Variants in VEZT observed in about 807,000 individuals in gnomAD.
The protein encoded by VEZT is vezatin.
In VEZT, 39 loss-of-function variants were observed where a neutral mutation model predicts 79.9. That is an observed-to-expected ratio of 0.49 (90% CI 0.38 to 0.64). VEZT has a LOEUF of 0.64. Among genes scored for constraint, VEZT ranks in the 30% least tolerant of loss-of-function variants. The pLI is 0.00. For synonymous variants in VEZT, 325 were observed against 327.6 expected (o/e 0.99, Z 0.09); for missense variants, 837 against 893.1 (o/e 0.94, Z 0.80).
chr12:95,294,685 G>A (rs1173863674), intron 10 of VEZT, among the ~76,000 whole-genome samples: 1 of 152,140 alleles, frequency 6.6e-6, no homozygotes, highest in Non-Finnish European at 1.5e-5. Context: ...TAAAAATCCT[G>A]TGCACTTGAC....
At chr12:95,286,278 C>G in intron 8 of VEZT, 1 of 349,498 alleles carries the variant, frequency 2.9e-6, no homozygotes, top group South Asian at 2.3e-5. Context: ...AGGTGTGAGC[C>G]ACCGTGCCTG....
intron 9 of VEZT, among the ~76,000 whole-genome samples, chr12:95,291,102 CA>C (rs554813508): frequency 2.6e-5 from 4 of 151,012 alleles, no homozygotes; most frequent in African/African-American, 9.7e-5. Flanking sequence ...CCATCTCTAC[CA>C]AAAAAAACAA....
At chr12:95,231,021 G>A (rs535829828) in intron 1 of VEZT, among the ~76,000 whole-genome samples, 62 of 152,214 alleles carry the variant, frequency 4.1e-4, no homozygotes, top group South Asian at 2.1e-3. Flanking sequence ...GATTTTGGAC[G>A]TAGGTAGTAT....
intron 1 of VEZT, among the ~76,000 whole-genome samples, chr12:95,232,172 A>G (rs2059362831): frequency 6.6e-6 from 1 of 152,192 alleles, no homozygotes. Flanking sequence ...TCAAAGATAA[A>G]AGGTTTTTTT....
intron 1 of VEZT, among the ~76,000 whole-genome samples, chr12:95,250,042 C>G (rs1398184842): frequency 6.8e-6 from 1 of 147,016 alleles, no homozygotes; most frequent in Non-Finnish European, 1.5e-5. Flanking sequence ...TGTTTTATCT[C>G]TAAAACCTAA....
intron 2 of VEZT, 61 bp downstream of exon 2, chr12:95,252,132 C>T (rs771916494): frequency 1.2e-5 from 18 of 1,538,838 alleles, no homozygotes; most frequent in Non-Finnish European, 1.6e-5. Context: ...ACTGGCTATT[C>T]AGATACTTCT....
At chr12:95,237,537 G>A (rs1183257654) in intron 1 of VEZT, among the ~76,000 whole-genome samples, 2 of 152,164 alleles carry the variant, frequency 1.3e-5, no homozygotes, top group Admixed American at 6.5e-5. Context: ...TGTAACCTCA[G>A]AAATGGGCAG....
intron 1 of VEZT, among the ~76,000 whole-genome samples, chr12:95,251,160 G>A (rs1401662813): frequency 6.6e-6 from 1 of 152,112 alleles, no homozygotes; most frequent in Non-Finnish European, 1.5e-5. Context: ...ACAGGCACAA[G>A]CCTTCATGCC....
At chr12:95,248,788 G>A (rs2062059775) in intron 1 of VEZT, among the ~76,000 whole-genome samples, 1 of 146,822 alleles carries the variant, frequency 6.8e-6, no homozygotes, top group Admixed American at 6.9e-5. Flanking sequence ...AGGAGTTCTA[G>A]GCCAGCCTGG....
At chr12:95,274,436 A>T (rs2067228296) in intron 6 of VEZT, among the ~76,000 whole-genome samples, 1 of 152,242 alleles carries the variant, frequency 6.6e-6, no homozygotes, top group Non-Finnish European at 1.5e-5. Context: ...ACTGCACTCC[A>T]GCCTGGGAGA....
chr12:95,245,403 G>C (rs1006498802), intron 1 of VEZT: 9 of 425,426 alleles, frequency 2.1e-5, no homozygotes, highest in Middle Eastern at 3.5e-4. Flanking sequence ...GAAAGTACCA[G>C]AGCACTCAAT....
At chr12:95,230,761 TC>T (rs1210661324) in intron 1 of VEZT, among the ~76,000 whole-genome samples, 1 of 151,578 alleles carries the variant, frequency 6.6e-6, no homozygotes, top group Non-Finnish European at 1.5e-5. Flanking sequence ...TTGCTTCCTC[TC>T]CTTGCTTCTG....
chr12:95,288,835 A>G (rs1181214563), intron 9 of VEZT, among the ~76,000 whole-genome samples: 1 of 152,176 alleles, frequency 6.6e-6, no homozygotes, highest in Non-Finnish European at 1.5e-5. Context: ...ATACTTATGC[A>G]TATTAAACTT....
intron 1 of VEZT, among the ~76,000 whole-genome samples, chr12:95,243,671 AAT>A (rs1005461198): frequency 6.6e-6 from 1 of 152,224 alleles, no homozygotes; most frequent in African/African-American, 2.4e-5. Flanking sequence ...GTTGAAATTT[AAT>A]TGCCATGCTA....
intron 2 of VEZT, among the ~76,000 whole-genome samples, chr12:95,253,202 TC>T (rs543628331): frequency 2.6e-5 from 4 of 152,308 alleles, no homozygotes; most frequent in African/African-American, 9.6e-5. Context: ...CCTTGAGCAT[TC>T]TAGTTTAATC....
chr12:95,237,660 T>A (rs1412431972), intron 1 of VEZT, among the ~76,000 whole-genome samples: 2 of 152,220 alleles, frequency 1.3e-5, no homozygotes, highest in African/African-American at 4.8e-5. Context: ...ATTATCTTGT[T>A]CATGTTGGTG....
In VEZT at chr12:95,282,672, G is replaced by C. The variant is rs202245869; in HGVS notation, c.1328+28G>C. The stretch of plus-strand genomic sequence containing the variant: ...AAGTTTAGAAATTATACCAAGAAAG[G>C]TCTCGGTAATTAGCAAGCTTCATTC... On this transcript the variant is annotated intron_variant, in intron 8 of 11. Coordinates refer to ENST00000436874, the MANE Select transcript of VEZT (RefSeq NM_017599.4). 15 of 1,536,068 alleles carry C rather than the reference G, an allele frequency of 9.8e-6. No homozygotes were observed. The Admixed American group carries it at 2.7e-4, about 27-fold the overall frequency.
At chr12:95,241,496 G>A (rs1242032516) in intron 1 of VEZT, among the ~76,000 whole-genome samples, 3 of 151,994 alleles carry the variant, frequency 2.0e-5, no homozygotes, top group Non-Finnish European at 4.4e-5. Context: ...GTAGAGACAA[G>A]GTCTTGCTTT....
In VEZT at chr12:95,223,013, T is replaced by G. The variant is rs376871130; in HGVS notation, c.36+5127T>G. Among the ~76,000 whole-genome samples, 20 of 152,340 alleles carry G rather than the reference T, an allele frequency of 1.3e-4. No individual in the cohort carries two copies. In the East Asian group the frequency reaches 1.3e-3, roughly 10 times the overall value. On this transcript the variant is annotated intron_variant, in intron 1 of 11. Coordinates refer to ENST00000436874, the MANE Select transcript of VEZT (RefSeq NM_017599.4). ...ATTTTCTATTTTGATAACTTTTTTA[T>G]TCTGAAAGGCAGTGTAATATAGTTA...
Sources: allele counts gnomAD v4.1 joint callset (sites outside exome capture counted in the v4.1 genomes callset), GRCh38; gene constraint gnomAD v4.1.1; transcripts MANE v1.5; gene names NCBI Gene and HGNC (gene_info 2026-07-23, HGNC 2026-07-21).